USP21: variants seen among roughly 807,000 people sequenced by gnomAD.
USP21 encodes ubiquitin carboxyl-terminal hydrolase 21.
Under a neutral mutation model 70.8 loss-of-function variants are expected in USP21, and 37 were observed. The ratio of observed to expected loss-of-function variants is 0.52; its 90% CI spans 0.40 to 0.69. The LOEUF (loss-of-function observed/expected upper bound fraction) is 0.69, where lower values mean the gene tolerates loss of function less well. Among genes scored for constraint, USP21 ranks in the 30% least tolerant of loss-of-function variants. The probability of loss-of-function intolerance (pLI) is 0.00; values close to 1 mark genes in which losing one functional copy is unlikely to be tolerated. For synonymous variants in USP21, 263 were observed against 283.1 expected (o/e 0.93, Z 0.71); for missense variants, 584 against 740.8 (o/e 0.79, Z 2.46).
Position 161,161,368 on chromosome 1 carries a change from A to G in USP21, c.600+128A>G. The G allele has an allele frequency of 4.0e-6, 5 of 1,234,930 alleles. No individual in the cohort carries two copies. The highest frequency in any genetic ancestry group is 2.0e-4 in the Middle Eastern group (1 of 4,884). The allele number at this position is 1,234,930 out of a possible 1,614,324, so 76.5% of individuals were successfully genotyped here. On this transcript the variant is annotated intron_variant, in intron 3 of 13. Coordinates refer to ENST00000368002, the MANE Select transcript of USP21 (RefSeq NM_001014443.3). The surrounding 1 kb of genome is among the most constrained non-coding windows in gnomAD (Gnocchi z 4.2). ...AGCCCTTCATTACAGCAGTTTGGAC[A>G]TGCCTCTCCCTTGCTTAAATACCCT...
At position 161,164,680 on chromosome 1, in the gene USP21, C is replaced by T; in HGVS notation, c.1384+68C>T. The T allele has an allele frequency of 6.2e-7, 1 of 1,608,732 alleles. No individual in the cohort carries two copies. Among genetic ancestry groups the T allele is most frequent in the South Asian group, 1.1e-5 (1 of 90,564 alleles). On this transcript the variant is annotated intron_variant, in intron 11 of 13. Transcript: ENST00000368002. The surrounding 1 kb of genome is among the most constrained non-coding windows in gnomAD (Gnocchi z 4.2). ...CATACATTCTCTTTCCTCCATGTTT[C>T]CAGAGAATTGAATTTTCCTTAGGAA...
Position 161,162,708 on chromosome 1 carries a change from C to A in USP21, c.875C>A (p.Pro292His). The A allele has an allele frequency of 2.5e-6, 4 of 1,613,728 alleles. No homozygotes were observed. Among genetic ancestry groups the A allele is most frequent in the Non-Finnish European group, 3.4e-6 (4 of 1,179,572 alleles). Residue 292 changes from proline to histidine, a missense_variant, in exon 6 of 14, where the codon CCC (proline) becomes CAC (histidine). This residue lies in a region of USP21 where 87 missense variants were observed against 162.4 expected (regional missense o/e 0.54). Coordinates refer to ENST00000368002, the MANE Select transcript of USP21 (RefSeq NM_001014443.3). The surrounding 1 kb of genome is among the most constrained non-coding windows in gnomAD (Gnocchi z 4.1). ...CGAGCTGTCTTCCAGAAATATGTTCCCTCCTTCTCTGGATACAGGTGGGAG... is the reference window on the plus strand; with the variant it reads ...CGAGCTGTCTTCCAGAAATATGTTCACTCCTTCTCTGGATACAGGTGGGAG... Reference protein sequence around the residue: ...RFRAVFQKYVPSFSGYSQQDA... With the variant: ...RFRAVFQKYVHSFSGYSQQDA...
intron 7 of USP21, 27 bp from the exon 8 acceptor site, chr1:161,163,528 C>T: frequency 6.2e-7 from 1 of 1,612,324 alleles, no homozygotes; most frequent in South Asian, 1.1e-5. Flanking sequence ...CTCATGGGTG[C>T]TCCCCACTTC....
Position 161,164,983 on chromosome 1 carries a change from G to C in USP21, c.1492+41G>C. ...AAAGTCCTAAGGAGCCAAAGGAGTGGGGGCACAGCTCTGATTATAGAACTT... is the reference window on the plus strand; with the variant it reads ...AAAGTCCTAAGGAGCCAAAGGAGTGCGGGCACAGCTCTGATTATAGAACTT... On this transcript the variant is annotated intron_variant, in intron 12 of 13. Coordinates refer to ENST00000368002, the MANE Select transcript of USP21 (RefSeq NM_001014443.3). This position sits in a 1 kb window ranked among gnomAD's most constrained non-coding sequence, Gnocchi z 4.2. 6.2e-7 allele frequency: 1 copy of C among 1,613,022 alleles called. No homozygotes were observed. The highest frequency in any genetic ancestry group is 1.3e-5 in the African/African-American group (1 of 75,006).
rs751343904 is a variant in USP21, at chr1:161,164,909, C to T, written c.1459C>T (p.Leu487=). 1 of 1,614,138 alleles carries T rather than the reference C, an allele frequency of 6.2e-7. No individual in the cohort carries two copies. Among genetic ancestry groups the T allele is most frequent in the East Asian group, 2.2e-5 (1 of 44,882 alleles). ...AGGTGTAGACTTTCCACTGCAGCGA[C>T]TGAGCCTAGGGGACTTTGCCAGTGA... ...SVGVDFPLQR[L]SLGDFASDKA... Residue 487 remains leucine, a synonymous_variant, in exon 12 of 14, where the codon CTG becomes TTG. Coordinates refer to ENST00000368002, the MANE Select transcript of USP21 (RefSeq NM_001014443.3). The surrounding 1 kb of genome is among the most constrained non-coding windows in gnomAD (Gnocchi z 4.2).
intron 2 of USP21, 33 bp from the exon 3 acceptor site, chr1:161,160,587 T>A: frequency 6.4e-7 from 1 of 1,571,650 alleles, no homozygotes; most frequent in Non-Finnish European, 8.7e-7. Flanking sequence ...TTTCCCCCCA[T>A]ATTCAAATGC....
At position 161,165,075 on chromosome 1, in the gene USP21, C is replaced by G; in HGVS notation, c.1539C>G (p.Ser513Arg). ...ATGCCCTTTGCAACCACTCAGGCAG[C>G]GTCCACTATGGCCACTACACAGCCC... is the stretch of plus-strand genomic sequence containing the variant. ...QLYALCNHSG[S>R]VHYGHYTALC... is the part of the protein sequence containing the mutation. Residue 513 changes from serine (S) to arginine (R), a missense_variant, in exon 13 of 14, where the codon AGC (serine) becomes AGG (arginine). Coordinates refer to ENST00000368002, the MANE Select transcript of USP21 (RefSeq NM_001014443.3). The G allele has an allele frequency of 6.2e-7, 1 of 1,613,976 alleles. No individual in the cohort carries two copies. Among genetic ancestry groups the G allele is most frequent in the Non-Finnish European group, 8.5e-7 (1 of 1,180,012 alleles).
In USP21 at chr1:161,162,585, T is replaced by C. The variant is rs758434841; in HGVS notation, c.782-30T>C. On this transcript the variant is annotated intron_variant, in intron 5 of 13. Coordinates refer to ENST00000368002, the MANE Select transcript of USP21 (RefSeq NM_001014443.3). This position sits in a 1 kb window ranked among gnomAD's most constrained non-coding sequence, Gnocchi z 4.1. ...CTTGCCTCTTCCAGACATTAACCTT[T>C]GTTTGCCTTCCCCACTCCCATCCCA... The C allele has an allele frequency of 1.9e-6, 3 of 1,576,788 alleles. No homozygotes were observed. The highest frequency in any genetic ancestry group is 2.6e-6 in the Non-Finnish European group (3 of 1,146,612).
chr1:161,163,763 G>A, intron 8 of USP21, 115 bp from the exon 9 acceptor site: 1 of 1,319,738 alleles, frequency 7.6e-7, no homozygotes. Flanking sequence ...GATTAGGAGT[G>A]TTGGTAGTGG....
intron 7 of USP21, 32 bp downstream of exon 7, chr1:161,163,106 G>T (rs570617908): frequency 3.9e-6 from 6 of 1,555,300 alleles, no homozygotes; most frequent in Non-Finnish European, 5.2e-6. Context: ...TCCTTTCCCC[G>T]TAGTTTATCA....
chr1:161,164,805 C>T lies in USP21; in HGVS notation c.1385-30C>T. The T allele has an allele frequency of 6.2e-7, 1 of 1,606,980 alleles. No homozygotes were observed. Among genetic ancestry groups the T allele is most frequent in the Non-Finnish European group, 8.5e-7 (1 of 1,175,760 alleles). ...AGAAGTTCCCCTCAGAGGCCCACTG[C>T]CTCCCAAATGCTCCTTAACCAGGGC... On this transcript the variant is annotated intron_variant, in intron 11 of 13. Coordinates refer to ENST00000368002, the MANE Select transcript of USP21 (RefSeq NM_001014443.3). The surrounding 1 kb of genome is among the most constrained non-coding windows in gnomAD (Gnocchi z 4.2).
Position 161,165,538 on chromosome 1 carries a change from T to A in USP21, c.*91T>A. On this transcript the variant is annotated 3_prime_UTR_variant, in exon 14 of 14. Coordinates refer to ENST00000368002, the MANE Select transcript of USP21 (RefSeq NM_001014443.3). ...CTCAGAGACGTCTATTTTTGTGTCT[T>A]TTTAATCGGGGAGGGGGGAGGGGGT... The A allele has an allele frequency of 2.5e-6, 1 of 395,096 alleles. No individual in the cohort carries two copies. Among genetic ancestry groups the A allele is most frequent in the East Asian group, 8.9e-5 (1 of 11,202 alleles). The allele number at this position is 395,096 out of a possible 1,614,324, so 24.5% of individuals were successfully genotyped here. A position where few individuals can be genotyped will look rare whatever the true frequency, so the allele number is the denominator to read the frequency against.
In USP21 at chr1:161,160,901, G is replaced by T. The variant is rs1443996437; in HGVS notation, c.261G>T (p.Gly87=). Residue 87 remains glycine (G), a synonymous_variant, in exon 3 of 14, where the codon GGG becomes GGT. Coordinates refer to ENST00000368002, the MANE Select transcript of USP21 (RefSeq NM_001014443.3). ...RPRGPLRADH[G]VPLPGSPPPT... ...GAGGCCCCCTTCGAGCAGATCATGG[G>T]GTTCCCCTGCCTGGCTCACCACCCC... 15 of 1,614,222 alleles carry T rather than the reference G, an allele frequency of 9.3e-6. No homozygotes were observed. Among genetic ancestry groups the T allele is most frequent in the Non-Finnish European group, 1.2e-5 (14 of 1,180,034 alleles).
In USP21 at chr1:161,164,410, G is replaced by C; in HGVS notation, c.1306-124G>C. 7.3e-7 allele frequency: 1 copy of C among 1,373,010 alleles called. No homozygotes were observed. The highest frequency in any genetic ancestry group is 1.8e-5 in the Admixed American group (1 of 54,156). The allele number at this position is 1,373,010 out of a possible 1,614,324, so 85.1% of individuals were successfully genotyped here. ...CTGTTCTAGTACTCCTAGAGCAAAG[G>C]GGAGAAGCCAAGAGGATCCAGCTGT... On this transcript the variant is annotated intron_variant, in intron 10 of 13. Coordinates refer to ENST00000368002, the MANE Select transcript of USP21 (RefSeq NM_001014443.3). The surrounding 1 kb of genome is among the most constrained non-coding windows in gnomAD (Gnocchi z 4.2).
intron 13 of USP21, 51 bp from the exon 14 acceptor site, chr1:161,165,306 G>A (rs376261202): frequency 1.9e-6 from 3 of 1,557,354 alleles, no homozygotes; most frequent in African/African-American, 2.7e-5. Context: ...GTAGGGAGAA[G>A]GGAGTAAACA....
In USP21 at chr1:161,160,696, T is replaced by C. The variant is rs1433024995; in HGVS notation, c.56T>C (p.Ile19Thr). 1 of 1,614,032 alleles carries C rather than the reference T, an allele frequency of 6.2e-7. No individual in the cohort carries two copies. Among genetic ancestry groups the C allele is most frequent in the African/African-American group, 1.3e-5 (1 of 74,986 alleles). ...LGRTREPPVN[I>T]QPRVGSKLPF... Reference sequence around the variant, plus strand: ...CGTACCCGAGAGCCACCTGTTAATATCCAGCCCCGAGTGGGATCCAAGCTA... The same window carrying C: ...CGTACCCGAGAGCCACCTGTTAATACCCAGCCCCGAGTGGGATCCAAGCTA... The change falls in exon 3 of 14, where the codon ATC becomes ACC. Residue 19 changes from isoleucine to threonine, a missense_variant. Ile to Thr is a moderately conservative substitution (Grantham distance 89, BLOSUM62 -1). This residue lies in a region of USP21 where 284 missense variants were observed against 281.0 expected (regional missense o/e 1.01). Coordinates refer to ENST00000368002, the MANE Select transcript of USP21 (RefSeq NM_001014443.3).
Position 161,164,569 on chromosome 1 carries a change from C to T in USP21, c.1341C>T (p.Thr447=). The part of the protein sequence containing the change: ...CDRCRQKTRS[T]KKLTVQRFPR... ...GATGTCGGCAGAAAACTCGAAGTAC[C>T]AAAAAGTTGACAGTACAAAGATTCC... is the stretch of plus-strand genomic sequence containing the variant. The change falls in exon 11 of 14, where the codon ACC becomes ACT. Residue 447 remains threonine, a synonymous_variant. Coordinates refer to ENST00000368002, the MANE Select transcript of USP21 (RefSeq NM_001014443.3). This position sits in a 1 kb window ranked among gnomAD's most constrained non-coding sequence, Gnocchi z 4.2. 6.2e-7 allele frequency: 1 copy of T among 1,614,154 alleles called. No individual in the cohort carries two copies. The highest frequency in any genetic ancestry group is 8.5e-7 in the Non-Finnish European group (1 of 1,180,028).
At position 161,160,417 on chromosome 1, in the gene USP21, C is replaced by T; in HGVS notation, c.-111C>T. ...ATAGATCTGGTTCCTGCCCTCAGTG[C>T]GTATACTGCTCCCCACTTTCGTTGA... is the stretch of plus-strand genomic sequence containing the variant. On this transcript the variant is annotated 5_prime_UTR_variant, in exon 2 of 14. Transcript: ENST00000368002. 1 of 623,180 alleles carries T rather than the reference C, an allele frequency of 1.6e-6. No homozygotes were observed. The highest frequency in any genetic ancestry group is 2.9e-6 in the Non-Finnish European group (1 of 341,018). The allele number at this position is 623,180 out of a possible 1,614,324, so 38.6% of individuals were successfully genotyped here.
chr1:161,159,888 G>C (rs984682334), intron 1 of USP21, among the ~76,000 whole-genome samples: 3 of 152,220 alleles, frequency 2.0e-5, no homozygotes, highest in Non-Finnish European at 4.4e-5. Context: ...GCCCTCGAGG[G>C]GGGCGGACCC....
Sources: gnomAD v4.1 joint callset for allele counts (sites outside exome capture counted in the v4.1 genomes callset) on GRCh38, gnomAD v4.1.1 for gene constraint, gnomAD v4.1.1 regional missense constraint, Gnocchi (gnomAD v3.1) non-coding constraint, MANE v1.5 for transcripts, NCBI Gene and HGNC (gene_info 2026-07-23, HGNC 2026-07-21) for gene names.